The following SH3BP5 variants were observed in gnomAD, a reference collection of about 807,000 sequenced individuals.
SH3BP5 encodes SH3 domain binding protein 5.
In SH3BP5, 22 loss-of-function variants were observed where a neutral mutation model predicts 43.3. That is an observed-to-expected ratio of 0.51 (90% CI 0.36 to 0.73). The LOEUF is 0.73. Ranked by LOEUF, SH3BP5 falls within the 30% of genes least tolerant of loss-of-function variation. The pLI is 0.00. For missense variants in SH3BP5, 529 were observed against 586.9 expected (o/e 0.90, Z 1.02); for synonymous variants, 255 against 225.8 (o/e 1.13, Z -1.16).
intron 7 of SH3BP5, 93 bp downstream of exon 7, chr3:15,258,738 C>G: frequency 8.8e-7 from 1 of 1,136,528 alleles, no homozygotes; most frequent in Non-Finnish European, 1.3e-6. Context: ...AACTCTGAGA[C>G]CTTTCACTGA....
rs372801497 is a variant in SH3BP5, at chr3:15,339,120, T to C, written c.-402+2103A>G. On this transcript the variant is annotated intron_variant, in intron 1 of 8. Coordinates refer to the SH3BP5 transcript ENST00000408919. ...CTGGTTCTAAGAATTCAAGAGTCTATAGAAGCCAGTTCTTTGAAAGGGATC... is the reference window on the plus strand; with the variant it reads ...CTGGTTCTAAGAATTCAAGAGTCTACAGAAGCCAGTTCTTTGAAAGGGATC... Among the ~76,000 whole-genome samples, 132 of 152,330 alleles carry C rather than the reference T, an allele frequency of 8.7e-4. 1 individual carries two copies. In the South Asian group the frequency reaches 0.023, roughly 26 times the overall value.
chr3:15,300,229 A>G (rs60007613), intron 3 of SH3BP5, among the ~76,000 whole-genome samples: 1,782 of 152,284 alleles, frequency 0.012, 38 homozygotes, highest in African/African-American at 0.041. Context: ...ATTTTCTACA[A>G]TAAATTCTAA....
chr3:15,332,654 C>G, upstream of SH3BP5: 1 of 1,154,942 alleles, frequency 8.7e-7, no homozygotes, highest in Non-Finnish European at 1.1e-6. Context: ...CCCCGTCCCG[C>G]CCCGGCCTCG....
chr3:15,312,398 A>G (rs1448394532), intron 2 of SH3BP5, among the ~76,000 whole-genome samples: 1 of 152,226 alleles, frequency 6.6e-6, no homozygotes, highest in Non-Finnish European at 1.5e-5. Flanking sequence ...TTAGAAATAA[A>G]TGTCTTTTGA....
chr3:15,291,913 AAGT>A (rs1247926495), intron 3 of SH3BP5, among the ~76,000 whole-genome samples: 2 of 152,152 alleles, frequency 1.3e-5, no homozygotes, highest in Non-Finnish European at 2.9e-5. Flanking sequence ...GCTGGGGAAG[AAGT>A]AGAAAAGAAA....
intron 3 of SH3BP5, among the ~76,000 whole-genome samples, chr3:15,270,457 C>T (rs1696766983): frequency 6.6e-6 from 1 of 152,174 alleles, no homozygotes. Context: ...TCAACTCACA[C>T]CCACTGACAC....
chr3:15,265,880 A>G (rs1344562511), intron 4 of SH3BP5, among the ~76,000 whole-genome samples: 2 of 151,816 alleles, frequency 1.3e-5, no homozygotes, highest in East Asian at 3.9e-4. Flanking sequence ...CACAGAAAAT[A>G]GCAAACACCC....
At chr3:15,300,634 GCAGCCCACCCTCCA>G (rs145791527) in intron 3 of SH3BP5, among the ~76,000 whole-genome samples, 203 of 152,192 alleles carry the variant, frequency 1.3e-3, no homozygotes, top group South Asian at 4.4e-3. Flanking sequence ...TCTGGCCTGA[GCAGCCCACCCTCCA>G]CAGAGATGAA....
At chr3:15,299,655 G>C (rs1355366964) in intron 3 of SH3BP5, among the ~76,000 whole-genome samples, 1 of 151,748 alleles carries the variant, frequency 6.6e-6, no homozygotes, top group Non-Finnish European at 1.5e-5. Flanking sequence ...ACTACATCCA[G>C]CTAATTTTAA....
At chr3:15,302,549 G>A (rs1243057124) in intron 3 of SH3BP5, among the ~76,000 whole-genome samples, 3 of 152,118 alleles carry the variant, frequency 2.0e-5, no homozygotes, top group Non-Finnish European at 2.9e-5. Context: ...ACACAGGTAC[G>A]ATCTTGGTAG....
At chr3:15,320,621 C>CACACACACACACACACAA (rs1698300477) in intron 2 of SH3BP5, among the ~76,000 whole-genome samples, 2 of 149,690 alleles carry the variant, frequency 1.3e-5, no homozygotes, top group Non-Finnish European at 3.0e-5. Context: ...CACACACACA[C>CACACACACACACACACAA]ACACACACAC....
intron 3 of SH3BP5, among the ~76,000 whole-genome samples, chr3:15,287,174 G>A (rs1374972097): frequency 1.3e-5 from 2 of 152,236 alleles, no homozygotes; most frequent in Non-Finnish European, 1.5e-5. Context: ...GAAAAGGCAC[G>A]CAGTAAGCAG....
rs921450000 is a variant in SH3BP5 at position 15,262,078 on chromosome 3, G to T, written c.626+81C>A. 8 of 1,542,442 alleles carry T rather than the reference G, an allele frequency of 5.2e-6. No homozygotes were observed. In the African/African-American group the frequency reaches 5.4e-5, roughly 10 times the overall value. On this transcript the variant is annotated intron_variant, in intron 5 of 8. Transcript: ENST00000383791. The stretch of plus-strand genomic sequence containing the variant: ...CAAAGGACTACTCAGGGTGGTCCTT[G>T]AGTGTGTGACATACAAAAGGCTGAG...
chr3:15,339,714 A>T (rs536729747), intron 1 of SH3BP5: 1 of 152,096 alleles, frequency 6.6e-6, no homozygotes, highest in South Asian at 2.1e-4. Flanking sequence ...TATCTCAAAA[A>T]TAAATAAATA....
chr3:15,300,291 A>G (rs1334275645), intron 3 of SH3BP5, among the ~76,000 whole-genome samples: 1 of 152,164 alleles, frequency 6.6e-6, no homozygotes, highest in Admixed American at 6.5e-5. Flanking sequence ...ATTGTCAAAC[A>G]CATTATCTCA....
rs2125114965 is a variant in SH3BP5, at chr3:15,306,436, A to G, written c.202-2205T>C. Among the ~76,000 whole-genome samples, 2 of 152,300 alleles carry G rather than the reference A, an allele frequency of 1.3e-5. 1 individual carries two copies. The highest frequency in any genetic ancestry group is 4.1e-4 in the South Asian group (2 of 4,824). ...GGCGGAAAGATCGCTTAAGCCCAGA[A>G]GGTTGAGGCCGCAGTGAGCCAAGAT... On this transcript the variant is annotated intron_variant, in intron 2 of 8. Transcript: ENST00000383791.
In SH3BP5 at chr3:15,262,301, A is replaced by G. The variant is rs1403436874; in HGVS notation, c.496-12T>C. 1 of 1,613,956 alleles carries G rather than the reference A, an allele frequency of 6.2e-7. No individual in the cohort carries two copies. The highest frequency in any genetic ancestry group is 1.7e-5 in the Admixed American group (1 of 60,010). On this transcript the variant is annotated splice_polypyrimidine_tract_variant and intron_variant, in intron 4 of 8. Coordinates refer to ENST00000383791, the MANE Select transcript of SH3BP5 (RefSeq NM_004844.5). ...TCCGCCTCCATGACCTTAAAATGAC[A>G]GCAGAGTTCAGCCCAGTCCAGCCCA...
chr3:15,276,668 C>T, intron 3 of SH3BP5, among the ~76,000 whole-genome samples: 1 of 152,146 alleles, frequency 6.6e-6, no homozygotes, highest in Non-Finnish European at 1.5e-5. Context: ...GAGGTGGCTG[C>T]CCAAAGTCAT....
chr3:15,272,653 TAGGATAAAGACA>T (rs1696846403), intron 3 of SH3BP5, among the ~76,000 whole-genome samples: 1 of 120,456 alleles, frequency 8.3e-6, no homozygotes, highest in African/African-American at 4.7e-5. Flanking sequence ...AGAGTGCCTG[TAGGATAAAGACA>T]TTACAAAACA....
Sources: gnomAD v4.1 joint callset for allele counts (sites outside exome capture counted in the v4.1 genomes callset) on GRCh38, gnomAD v4.1.1 for gene constraint, MANE v1.5 for transcripts, NCBI Gene and HGNC (gene_info 2026-07-23, HGNC 2026-07-21) for gene names.